Variants in PEBP4 observed in about 807,000 individuals in gnomAD.
PEBP4 encodes the protein phosphatidylethanolamine-binding protein 4.
Under a neutral mutation model 23.9 loss-of-function variants are expected in PEBP4, and 22 were observed. The observed-to-expected ratio is 0.92, with a 90% CI of 0.66 to 1.31. PEBP4 has a LOEUF of 1.31. PEBP4 is among the 40% of genes most tolerant of loss of function. The probability of loss-of-function intolerance (pLI) is 0.00; values close to 1 mark genes in which losing one functional copy is unlikely to be tolerated. For synonymous variants in PEBP4, 112 were observed against 99.3 expected, an observed-to-expected ratio of 1.13 and a Z score of -0.76; for missense variants, 324 against 281.7, an observed-to-expected ratio of 1.15 and a Z score of -1.07.
At chr8:22,765,506 T>C (rs970244560) in intron 4 of PEBP4, among the ~76,000 whole-genome samples, 7 of 152,162 alleles carry the variant, frequency 4.6e-5, no homozygotes, top group African/African-American at 1.7e-4. Context: ...CATGAGCCCA[T>C]GCCTGGATGA....
intron 3 of PEBP4, among the ~76,000 whole-genome samples, chr8:22,897,280 A>G (rs1306989743): frequency 6.6e-6 from 1 of 152,192 alleles, no homozygotes; most frequent in Non-Finnish European, 1.5e-5. Context: ...GTAAGCTGCT[A>G]TCAGTCACCA....
chr8:22,878,854 C>T (rs749038502), intron 3 of PEBP4, among the ~76,000 whole-genome samples: 9 of 152,194 alleles, frequency 5.9e-5, no homozygotes, highest in Admixed American at 1.3e-4. Flanking sequence ...TAAGCCACCA[C>T]GGGCAGACCC....
chr8:22,940,941 G>A (rs938221129), intron 1 of PEBP4, among the ~76,000 whole-genome samples: 1 of 152,144 alleles, frequency 6.6e-6, no homozygotes, highest in African/African-American at 2.4e-5. Flanking sequence ...TGCTGGCTGT[G>A]GGAAGGTACA....
rs539405661 is a variant in PEBP4 at position 22,784,729 on chromosome 8, A to G, written c.357+32908T>C. Among the ~76,000 whole-genome samples the G allele has an allele frequency of 4.7e-4, 71 of 152,380 alleles. No homozygotes were observed. In the Middle Eastern group the frequency reaches 0.01, roughly 22 times the overall value. On this transcript the variant is annotated intron_variant, in intron 4 of 6. Transcript: ENST00000256404. ...CTTGCATGTTAAATGAAACAGAAGC[A>G]TCCAGGAAAAACCCCTAAATCCAAT...
chr8:22,915,233 A>C (rs1386741561), intron 3 of PEBP4, among the ~76,000 whole-genome samples: 2 of 152,006 alleles, frequency 1.3e-5, no homozygotes, highest in African/African-American at 4.8e-5. Context: ...TGACCTTCCC[A>C]AATTGCAAAT....
At chr8:22,720,714 T>TAGATTTC (rs1377244676) in intron 6 of PEBP4, among the ~76,000 whole-genome samples, 5 of 151,776 alleles carry the variant, frequency 3.3e-5, no homozygotes, top group Non-Finnish European at 5.9e-5. Context: ...TAAGGCTGTT[T>TAGATTTC]AGATTTCAGG....
chr8:22,828,842 A>G (rs905141123), intron 3 of PEBP4, among the ~76,000 whole-genome samples: 3 of 152,026 alleles, frequency 2.0e-5, no homozygotes, highest in African/African-American at 7.3e-5. Context: ...GGGTCTTTCC[A>G]TCTCGGGCAA....
chr8:22,833,720 A>G (rs1807137247), intron 3 of PEBP4, among the ~76,000 whole-genome samples: 1 of 152,146 alleles, frequency 6.6e-6, no homozygotes, highest in Non-Finnish European at 1.5e-5. Flanking sequence ...ATTAGTGGAG[A>G]GCCATTTTCT....
chr8:22,766,447 C>A (rs1193256416), intron 4 of PEBP4, among the ~76,000 whole-genome samples: 1 of 152,216 alleles, frequency 6.6e-6, no homozygotes, highest in Non-Finnish European at 1.5e-5. Context: ...TTTCCTCAGA[C>A]TGAAATAATG....
At chr8:22,822,136 T>C (rs1000854626) in intron 3 of PEBP4, among the ~76,000 whole-genome samples, 4 of 152,202 alleles carry the variant, frequency 2.6e-5, no homozygotes, top group Non-Finnish European at 5.9e-5. Context: ...AAGTGATTGT[T>C]GGTTGTGACA....
chr8:22,724,888 C>G lies in PEBP4; in HGVS notation c.472G>C (p.Glu158Gln). The change falls in exon 6 of 7, where the codon GAA becomes CAA. Residue 158 changes from glutamate (E) to glutamine (Q), a missense_variant. Glu to Gln is a conservative substitution (Grantham distance 29, BLOSUM62 2). Coordinates refer to ENST00000256404, the MANE Select transcript of PEBP4 (RefSeq NM_144962.3). ...HRYQFFVYLQ[E>Q]GKVISLLPKE... ...GGAAGGAGAGAGATGACTTTTCCTT[C>G]CTGAAGATAGACAAAGAACTGGTAG... 1 of 1,614,110 alleles carries G rather than the reference C, an allele frequency of 6.2e-7. No homozygotes were observed. The highest frequency in any genetic ancestry group is 8.5e-7 in the Non-Finnish European group (1 of 1,180,018).
intron 3 of PEBP4, among the ~76,000 whole-genome samples, chr8:22,847,637 C>G (rs778319014): frequency 1.3e-5 from 2 of 152,104 alleles, no homozygotes; most frequent in Non-Finnish European, 2.9e-5. Context: ...GAGAGAGTCA[C>G]CAGGCAGCCC....
intron 3 of PEBP4, among the ~76,000 whole-genome samples, chr8:22,835,542 A>T (rs1348711956): frequency 6.6e-6 from 1 of 152,206 alleles, no homozygotes; most frequent in African/African-American, 2.4e-5. Context: ...AGGGGGTATT[A>T]AGCTCACCTG....
chr8:22,761,528 C>T (rs533567120), intron 4 of PEBP4, among the ~76,000 whole-genome samples: 1 of 152,312 alleles, frequency 6.6e-6, no homozygotes, highest in East Asian at 1.9e-4. Flanking sequence ...ACATGATAGA[C>T]AACTAATTAA....
intron 3 of PEBP4, among the ~76,000 whole-genome samples, chr8:22,833,046 C>T (rs1477382170): frequency 6.6e-6 from 1 of 152,242 alleles, no homozygotes; most frequent in African/African-American, 2.4e-5. Flanking sequence ...CTGTCTCACC[C>T]ATTCCTTCTA....
upstream of PEBP4, among the ~76,000 whole-genome samples, chr8:22,932,770 TGA>T (rs1809478022): frequency 6.6e-6 from 1 of 152,166 alleles, no homozygotes; most frequent in African/African-American, 2.4e-5. Flanking sequence ...TTTGGGAAGC[TGA>T]GATGGGCAGA....
At chr8:22,856,223 C>T (rs1026722845) in intron 3 of PEBP4, among the ~76,000 whole-genome samples, 1 of 151,890 alleles carries the variant, frequency 6.6e-6, no homozygotes, top group African/African-American at 2.4e-5. Flanking sequence ...AGAGAAAAAT[C>T]ACAAAATAAA....
intron 5 of PEBP4, 87 bp from the exon 6 acceptor site, chr8:22,725,043 C>A: frequency 8.6e-7 from 1 of 1,162,050 alleles, no homozygotes. Context: ...TCCTGCTGAC[C>A]TCCCTGGGGC....
chr8:22,803,534 C>T (rs1027326816), intron 4 of PEBP4, among the ~76,000 whole-genome samples: 2 of 151,960 alleles, frequency 1.3e-5, no homozygotes, highest in African/African-American at 2.4e-5. Flanking sequence ...TGTGGTGCTG[C>T]GGGCTTATAA....
Sources: gnomAD v4.1 joint callset for allele counts (sites outside exome capture counted in the v4.1 genomes callset) on GRCh38, gnomAD v4.1.1 for gene constraint, MANE v1.5 for transcripts, NCBI Gene and HGNC (gene_info 2026-07-23, HGNC 2026-07-21) for gene names.